CNTNAP4: variants seen among roughly 807,000 people sequenced by gnomAD.
CNTNAP4 encodes contactin associated protein family member 4.
In CNTNAP4, 98 loss-of-function variants were observed where a neutral mutation model predicts 148.4. The ratio of observed to expected loss-of-function variants is 0.66; its 90% CI spans 0.56 to 0.78. The LOEUF (loss-of-function observed/expected upper bound fraction) is 0.78. Among genes scored for constraint, CNTNAP4 ranks in the 30% least tolerant of loss-of-function variants. The pLI, the probability that CNTNAP4 is intolerant of heterozygous loss-of-function variation, is 0.00. For synonymous variants in CNTNAP4, 730 were observed against 565.1 expected (o/e 1.29, Z -4.14); for missense variants, 1,935 against 1,565.6 (o/e 1.24, Z -3.98).
chr16:76,449,593 G>T (rs138261248), intron 6 of CNTNAP4, 122 bp from the exon 7 acceptor site: 1 of 697,528 alleles, frequency 1.4e-6, no homozygotes, highest in African/African-American at 1.9e-5. Context: ...TAATTTTTGT[G>T]TGTGTAGGGT....
intron 1 of CNTNAP4, among the ~76,000 whole-genome samples, chr16:76,312,696 C>G (rs1011987100): frequency 3.9e-5 from 6 of 152,118 alleles, no homozygotes; most frequent in Admixed American, 2.0e-4. Flanking sequence ...TAATTATAGT[C>G]ATGGTATTCT....
At chr16:76,338,121 A>T (rs1479554961) in intron 2 of CNTNAP4, among the ~76,000 whole-genome samples, 1 of 152,244 alleles carries the variant, frequency 6.6e-6, no homozygotes, top group African/African-American at 2.4e-5. Context: ...AGAAATTATA[A>T]GAGTATCGAT....
intron 3 of CNTNAP4, among the ~76,000 whole-genome samples, chr16:76,375,879 T>G (rs2015364594): frequency 6.6e-6 from 1 of 152,194 alleles, no homozygotes; most frequent in Non-Finnish European, 1.5e-5. Flanking sequence ...GAATAGCAGT[T>G]AAGGATGTCA....
chr16:76,558,324 A>G (rs1424207539), intron 23 of CNTNAP4, 166 bp from the exon 24 acceptor site: 4 of 550,924 alleles, frequency 7.3e-6, no homozygotes, highest in Admixed American at 3.4e-5. Context: ...TCAACATACA[A>G]TAATACTGCT....
intron 3 of CNTNAP4, among the ~76,000 whole-genome samples, chr16:76,395,834 T>C (rs2078184023): frequency 6.6e-6 from 1 of 151,910 alleles, no homozygotes; most frequent in South Asian, 2.1e-4. Flanking sequence ...GTTCAAGTGA[T>C]CCTCCTGCCT....
chr16:76,399,015 C>T (rs907866671), intron 3 of CNTNAP4, among the ~76,000 whole-genome samples: 7 of 151,938 alleles, frequency 4.6e-5, no homozygotes, highest in African/African-American at 7.3e-5. Context: ...TAAGTCTCAC[C>T]GGATCTGATA....
At chr16:76,290,799 C>T (rs1300727507) in intron 1 of CNTNAP4, among the ~76,000 whole-genome samples, 2 of 152,154 alleles carry the variant, frequency 1.3e-5, no homozygotes, top group African/African-American at 4.8e-5. Flanking sequence ...CCGAATACCA[C>T]AGAATGAGTG....
At chr16:76,407,996 C>T (rs949819057) in intron 3 of CNTNAP4, among the ~76,000 whole-genome samples, 5 of 151,908 alleles carry the variant, frequency 3.3e-5, no homozygotes, top group Non-Finnish European at 4.4e-5. Context: ...CGATCAATAT[C>T]GAGGCAAGAA....
At chr16:76,552,845 A>G (rs754348895) in intron 21 of CNTNAP4, among the ~76,000 whole-genome samples, 13 of 152,066 alleles carry the variant, frequency 8.5e-5, no homozygotes, top group South Asian at 2.1e-4. Flanking sequence ...CAGAGGCTCA[A>G]TTTTCTCTCT....
intron 3 of CNTNAP4, among the ~76,000 whole-genome samples, chr16:76,373,730 A>G (rs1052246871): frequency 1.5e-4 from 23 of 151,894 alleles, no homozygotes; most frequent in Non-Finnish European, 2.9e-4. Context: ...CCCTATCTCT[A>G]CTAAAAATAC....
chr16:76,429,010 TC>T (rs2079521513), intron 4 of CNTNAP4, among the ~76,000 whole-genome samples: 3 of 152,118 alleles, frequency 2.0e-5, no homozygotes, highest in Admixed American at 2.0e-4. Context: ...TTTGCCAAAC[TC>T]CAGAAAGCAA....
At chr16:76,525,083 G>A (rs73621211) in intron 17 of CNTNAP4, among the ~76,000 whole-genome samples, 8,642 of 152,142 alleles carry the variant, frequency 0.057, 440 homozygotes, top group East Asian at 0.27. Flanking sequence ...AGTCTGTTAG[G>A]AAAGGGCTTC....
At chr16:76,453,763 C>G (rs955988640) in intron 8 of CNTNAP4, among the ~76,000 whole-genome samples, 2 of 152,002 alleles carry the variant, frequency 1.3e-5, no homozygotes, top group Non-Finnish European at 2.9e-5. Context: ...ATTTATATGT[C>G]TTTTTGTTGC....
intron 13 of CNTNAP4, among the ~76,000 whole-genome samples, chr16:76,491,136 T>G (rs561408925): frequency 6.6e-6 from 1 of 152,192 alleles, no homozygotes; most frequent in Admixed American, 6.5e-5. Flanking sequence ...TTGCCCTTCT[T>G]CTCCTCTTTC....
chr16:76,353,462 C>G (rs1028956277), intron 2 of CNTNAP4, among the ~76,000 whole-genome samples: 1 of 152,182 alleles, frequency 6.6e-6, no homozygotes, highest in African/African-American at 2.4e-5. Flanking sequence ...CAGGACTGGT[C>G]ACTTTCCTTT....
intron 3 of CNTNAP4, among the ~76,000 whole-genome samples, chr16:76,379,658 G>A (rs1345432439): frequency 1.3e-5 from 2 of 152,140 alleles, no homozygotes; most frequent in East Asian, 3.9e-4. Context: ...ATTGAAACTG[G>A]TGATTAACCA....
intron 2 of CNTNAP4, among the ~76,000 whole-genome samples, chr16:76,335,002 C>T (rs1156642534): frequency 2.0e-5 from 3 of 151,998 alleles, no homozygotes; most frequent in Non-Finnish European, 4.4e-5. Context: ...TTGGAAAATG[C>T]TGTGGATCAG....
chr16:76,503,636 G>A (rs979782662), intron 15 of CNTNAP4, among the ~76,000 whole-genome samples: 8 of 151,890 alleles, frequency 5.3e-5, no homozygotes, highest in Admixed American at 6.6e-5. Context: ...CCATTAACTC[G>A]TCATTTACAT....
intron 15 of CNTNAP4, among the ~76,000 whole-genome samples, chr16:76,503,673 C>T (rs1279627641): frequency 1.3e-5 from 2 of 151,300 alleles, no homozygotes; most frequent in African/African-American, 2.4e-5. Flanking sequence ...TGCTATCCCT[C>T]CCCCTTCCCC....
Sources: allele counts gnomAD v4.1 joint callset (sites outside exome capture counted in the v4.1 genomes callset), GRCh38; gene constraint gnomAD v4.1.1; transcripts MANE v1.5; gene names NCBI Gene and HGNC (gene_info 2026-07-23, HGNC 2026-07-21).